CACNA2D3: variants seen among roughly 807,000 people sequenced by gnomAD.
CACNA2D3 encodes the protein calcium voltage-gated channel auxiliary subunit alpha2delta 3.
CACNA2D3 carries 60 observed loss-of-function variants against 160.6 expected under a neutral mutation model. That is an observed-to-expected ratio of 0.37 (90% CI 0.30 to 0.46). CACNA2D3 has a LOEUF of 0.46. Ranked by LOEUF, CACNA2D3 falls within the 20% of genes least tolerant of loss-of-function variation. The pLI, the probability that CACNA2D3 is intolerant of heterozygous loss-of-function variation, is 1.00. For missense variants in CACNA2D3, 1,205 were observed against 1,365.0 expected (o/e 0.88, Z 1.85); for synonymous variants, 558 against 492.9 (o/e 1.13, Z -1.75).
At chr3:54,904,789 T>G (rs1051908181) in intron 27 of CACNA2D3, among the ~76,000 whole-genome samples, 2 of 152,190 alleles carry the variant, frequency 1.3e-5, no homozygotes, top group Non-Finnish European at 2.9e-5. Flanking sequence ...ATTGACCAGA[T>G]AGTGGAAACA....
At position 54,644,095 on chromosome 3, in the gene CACNA2D3, T is replaced by C. The variant is rs182472293; in HGVS notation, c.1167+1854T>C. Among the ~76,000 whole-genome samples, 17 of 152,224 alleles carry C rather than the reference T, an allele frequency of 1.1e-4. No individual in the cohort carries two copies. In the East Asian group the frequency reaches 3.3e-3, roughly 30 times the overall value. Reference sequence around the variant, plus strand: ...AATAGCATTTACCCAAGAATATTGATATTTAAATGCCCTGTCCTTACTTGT... The same window carrying C: ...AATAGCATTTACCCAAGAATATTGACATTTAAATGCCCTGTCCTTACTTGT... On this transcript the variant is annotated intron_variant, in intron 11 of 37. Transcript: ENST00000474759.
intron 13 of CACNA2D3, among the ~76,000 whole-genome samples, chr3:54,768,046 A>G (rs570591929): frequency 2.0e-5 from 3 of 152,282 alleles, no homozygotes; most frequent in Non-Finnish European, 2.9e-5. Flanking sequence ...CCATTTTGGT[A>G]AAGACCAGTT....
chr3:54,906,245 AGAAG>A (rs904870226), intron 27 of CACNA2D3, among the ~76,000 whole-genome samples: 7 of 152,198 alleles, frequency 4.6e-5, no homozygotes, highest in Non-Finnish European at 7.4e-5. Flanking sequence ...GGAGGGAGGA[AGAAG>A]GAAGGAAGGA....
At chr3:55,053,850 C>A (rs780234534) in intron 35 of CACNA2D3, among the ~76,000 whole-genome samples, 1 of 151,854 alleles carries the variant, frequency 6.6e-6, no homozygotes, top group Non-Finnish European at 1.5e-5. Flanking sequence ...ACATGCTTTT[C>A]TGTTTCTGAC....
intron 30 of CACNA2D3, among the ~76,000 whole-genome samples, chr3:54,987,000 A>G (rs1000975390): frequency 8.5e-5 from 13 of 152,156 alleles, no homozygotes; most frequent in African/African-American, 3.1e-4. Flanking sequence ...GACTTACAAA[A>G]ACATCAGCCT....
chr3:54,662,686 T>A (rs887527363), intron 11 of CACNA2D3, among the ~76,000 whole-genome samples: 1 of 152,190 alleles, frequency 6.6e-6, no homozygotes, highest in African/African-American at 2.4e-5. Flanking sequence ...TGCGCTTGCT[T>A]CTCTCCTGGA....
chr3:54,742,597 C>G (rs1260836565), intron 11 of CACNA2D3, among the ~76,000 whole-genome samples: 1 of 152,186 alleles, frequency 6.6e-6, no homozygotes, highest in East Asian at 1.9e-4. Context: ...GAAATGATGC[C>G]GTCTGTCCAC....
chr3:54,924,918 AC>A, intron 27 of CACNA2D3: 2 of 1,613,164 alleles, frequency 1.2e-6, no homozygotes, highest in East Asian at 4.5e-5. Context: ...TAGATTTAAA[AC>A]CTGCAAGTGC....
intron 11 of CACNA2D3, among the ~76,000 whole-genome samples, chr3:54,739,949 C>G (rs1328317502): frequency 6.6e-6 from 1 of 152,036 alleles, no homozygotes; most frequent in Non-Finnish European, 1.5e-5. Flanking sequence ...GGGCAGAGAC[C>G]ATATGGATTT....
At position 54,918,342 on chromosome 3, in the gene CACNA2D3, T is replaced by C. The variant is rs936731496; in HGVS notation, c.2449+18474T>C. The stretch of plus-strand genomic sequence containing the variant: ...ACATCTTTTTTTTTTCTTTTTTTTT[T>C]TTTTTTTTTTTTTGTCTTTTGGCAA... On this transcript the variant is annotated intron_variant, in intron 27 of 37. Transcript: ENST00000474759. The C allele has an allele frequency of 1.9e-4, 72 of 376,462 alleles. 1 individual carries two copies. Among genetic ancestry groups the C allele is most frequent in the African/African-American group, 9.8e-4 (43 of 44,072 alleles). 23.3% of individuals were successfully genotyped at this position (376,462 alleles called of 1,614,324 possible). A position where few individuals can be genotyped will look rare whatever the true frequency, so the allele number is the denominator to read the frequency against.
chr3:54,821,469 G>T (rs1445954253), intron 14 of CACNA2D3, among the ~76,000 whole-genome samples: 9 of 152,114 alleles, frequency 5.9e-5, no homozygotes, highest in Non-Finnish European at 1.3e-4. Flanking sequence ...GCATAAATTA[G>T]CTTCTTAAAT....
rs569775240 is a variant in CACNA2D3, at chr3:54,461,613, G to A, written c.382-41879G>A. ...TGATAGTTTGTATTTCTGTGGAATC[G>A]GTGGTGATATCCCCTTTATCGTTTT... On this transcript the variant is annotated intron_variant, in intron 4 of 37. Coordinates refer to ENST00000474759, the MANE Select transcript of CACNA2D3 (RefSeq NM_018398.3). 2.3e-4 allele frequency among the ~76,000 whole-genome samples: 35 copies of A among 151,758 alleles called. 2 individuals carry two copies. The South Asian group carries it at 6.2e-3, about 27-fold the overall frequency.
intron 4 of CACNA2D3, among the ~76,000 whole-genome samples, chr3:54,435,602 A>AG (rs1700048244): frequency 6.6e-6 from 1 of 152,208 alleles, no homozygotes; most frequent in Non-Finnish European, 1.5e-5. Flanking sequence ...ACACCTTGGC[A>AG]GGGGGAATGC....
At chr3:54,452,459 G>C (rs1700323576) in intron 4 of CACNA2D3, among the ~76,000 whole-genome samples, 1 of 152,212 alleles carries the variant, frequency 6.6e-6, no homozygotes, top group South Asian at 2.1e-4. Flanking sequence ...TCTTCTGTAA[G>C]ATGATAGTAG....
chr3:54,692,725 G>A (rs1214567157), intron 11 of CACNA2D3, among the ~76,000 whole-genome samples: 2 of 152,158 alleles, frequency 1.3e-5, no homozygotes, highest in Non-Finnish European at 2.9e-5. Flanking sequence ...CAAAAGGCAG[G>A]ATGGGCTGTA....
At chr3:54,772,729 G>C (rs1702342845) in intron 13 of CACNA2D3, among the ~76,000 whole-genome samples, 1 of 152,148 alleles carries the variant, frequency 6.6e-6, no homozygotes, top group South Asian at 2.1e-4. Flanking sequence ...CCTCTCATAT[G>C]AATACAAGTC....
Position 54,859,972 on chromosome 3 carries a change from G to GCGCGCGCGCACA in CACNA2D3, c.1627-11566_1627-11565insGCGCGCGCACAC, listed in dbSNP as rs535185040. The stretch of plus-strand genomic sequence containing the variant: ...TTAGAACATCATCTGGAAAGTAGAT[G>GCGCGCGCGCACA]CACACACACACACACACACACACAC... On this transcript the variant is annotated intron_variant, in intron 17 of 37. Transcript: ENST00000474759. 6.2e-4 allele frequency among the ~76,000 whole-genome samples: 83 copies of GCGCGCGCGCACA among 133,884 alleles called. 1 individual carries two copies. Among genetic ancestry groups the GCGCGCGCGCACA allele is most frequent in the African/African-American group, 2.2e-3 (80 of 35,946 alleles). The allele number at this position is 133,884 out of a possible 152,430, so 87.8% of individuals were successfully genotyped here. A position where few individuals can be genotyped will look rare whatever the true frequency, so the allele number is the denominator to read the frequency against.
At chr3:54,942,799 T>G (rs1334239607) in intron 27 of CACNA2D3, among the ~76,000 whole-genome samples, 2 of 151,764 alleles carry the variant, frequency 1.3e-5, no homozygotes, top group Non-Finnish European at 2.9e-5. Flanking sequence ...CCGAGGCGGG[T>G]GGATCACAAG....
chr3:54,690,496 T>TATC (rs1209203322), intron 11 of CACNA2D3, among the ~76,000 whole-genome samples: 2 of 152,142 alleles, frequency 1.3e-5, no homozygotes, highest in African/African-American at 2.4e-5. Context: ...AATGAATCAT[T>TATC]ATCATCATCA....
Sources: gnomAD v4.1 joint callset for allele counts (sites outside exome capture counted in the v4.1 genomes callset) on GRCh38, gnomAD v4.1.1 for gene constraint, MANE v1.5 for transcripts, NCBI Gene and HGNC (gene_info 2026-07-23, HGNC 2026-07-21) for gene names.